Variants in EYS observed in about 807,000 individuals in gnomAD.
EYS encodes protein eyes shut homolog.
EYS carries 250 observed loss-of-function variants against 282.1 expected under a neutral mutation model. The observed-to-expected ratio is 0.89, with a 90% CI of 0.80 to 0.98. EYS has a LOEUF of 0.98. EYS is among the 50% of genes least tolerant of loss of function. The pLI is 0.00. For missense variants in EYS, 4,016 were observed against 3,709.0 expected (o/e 1.08, Z -2.15); for synonymous variants, 1,355 against 1,282.9 (o/e 1.06, Z -1.20).
chr6:65,557,718 T>C (rs181424735), intron 2 of EYS, among the ~76,000 whole-genome samples: 7 of 152,236 alleles, frequency 4.6e-5, no homozygotes, highest in African/African-American at 4.8e-5. Flanking sequence ...GGGTCCTGAG[T>C]TCTTTTCCTG....
chr6:63,727,727 A>ATATATAT (rs1253035778), intron 41 of EYS, among the ~76,000 whole-genome samples: 9 of 61,678 alleles, frequency 1.5e-4, no homozygotes, highest in African/African-American at 7.6e-4. Context: ...AAAAAAAAAA[A>ATATATAT]AAAAAAAAAA....
intron 12 of EYS, among the ~76,000 whole-genome samples, chr6:65,163,490 C>T (rs919428581): frequency 6.6e-6 from 1 of 151,036 alleles, no homozygotes; most frequent in Non-Finnish European, 1.5e-5. Flanking sequence ...GTCTTTGTCA[C>T]TCTTAAAGAA....
At chr6:65,422,251 AAAAT>A (rs1184903200) in intron 5 of EYS, among the ~76,000 whole-genome samples, 1 of 151,938 alleles carries the variant, frequency 6.6e-6, no homozygotes, top group Non-Finnish European at 1.5e-5. Flanking sequence ...TAGAGCATGG[AAAAT>A]AAATAAAGCT....
chr6:64,382,256 C>G (rs1328570154), intron 29 of EYS, among the ~76,000 whole-genome samples: 1 of 152,118 alleles, frequency 6.6e-6, no homozygotes, highest in Admixed American at 6.6e-5. Flanking sequence ...ATTCTCTTCA[C>G]TCTCTCCTGA....
intron 9 of EYS, among the ~76,000 whole-genome samples, chr6:65,350,912 A>G (rs1582172873): frequency 6.6e-6 from 1 of 151,820 alleles, no homozygotes; most frequent in South Asian, 2.1e-4. Context: ...AATTAAAATA[A>G]TCTTCCTGCT....
chr6:64,834,536 C>T (rs781634143), intron 19 of EYS, among the ~76,000 whole-genome samples: 2 of 151,708 alleles, frequency 1.3e-5, no homozygotes, highest in African/African-American at 2.4e-5. Flanking sequence ...ATCCAGTGAC[C>T]TAGTTAATTT....
intron 29 of EYS, among the ~76,000 whole-genome samples, chr6:64,369,957 G>A (rs1444293192): frequency 2.6e-5 from 4 of 151,646 alleles, no homozygotes; most frequent in African/African-American, 9.7e-5. Context: ...TCTTGGTATA[G>A]AATCATATTG....
At chr6:65,525,989 G>C (rs1266846065) in intron 2 of EYS, among the ~76,000 whole-genome samples, 1 of 152,162 alleles carries the variant, frequency 6.6e-6, no homozygotes, top group Non-Finnish European at 1.5e-5. Context: ...CTGAGACTGG[G>C]TGATTTATAA....
chr6:65,141,356 C>T lies in EYS; in HGVS notation c.2024-83629G>A, dbSNP rs568046104. Reference sequence around the variant, plus strand: ...GGGGACTGTTGTGGGGTGGCGGGAGCGGGGAGGGATAGCATTAGGAGATAT... The same window carrying T: ...GGGGACTGTTGTGGGGTGGCGGGAGTGGGGAGGGATAGCATTAGGAGATAT... On this transcript the variant is annotated intron_variant, in intron 12 of 42. Transcript: ENST00000503581. 7.3e-4 allele frequency among the ~76,000 whole-genome samples: 110 copies of T among 151,614 alleles called. 1 individual carries two copies. The highest frequency in any genetic ancestry group is 2.3e-3 in the African/African-American group (97 of 41,360).
At chr6:64,356,323 G>C (rs988720655) in intron 29 of EYS, among the ~76,000 whole-genome samples, 1 of 151,522 alleles carries the variant, frequency 6.6e-6, no homozygotes, top group Non-Finnish European at 1.5e-5. Flanking sequence ...TCAATACACA[G>C]TATTGGGAAA....
chr6:65,504,468 G>T (rs568286177), intron 2 of EYS, among the ~76,000 whole-genome samples: 1 of 151,620 alleles, frequency 6.6e-6, no homozygotes, highest in Non-Finnish European at 1.5e-5. Flanking sequence ...GGACATTCTT[G>T]CCTTGTTCCA....
chr6:63,996,909 G>C (rs896233347), intron 34 of EYS, among the ~76,000 whole-genome samples: 1 of 152,032 alleles, frequency 6.6e-6, no homozygotes, highest in Non-Finnish European at 1.5e-5. Context: ...AATTAATACA[G>C]GTGTTTTTTC....
In EYS at chr6:65,344,098, A is replaced by G. The variant is rs778180391; in HGVS notation, c.1539T>C (p.Tyr513=). Residue 513 remains tyrosine, a synonymous_variant, in exon 10 of 43, where the codon TAT becomes TAC. Coordinates refer to ENST00000503581, the MANE Select transcript of EYS (RefSeq NM_001142800.2). ...AATTATTATCTTCAGGATCGTTCAC[A>G]TAGGTTGCATCTTCAGTGCAGTTTG... ...LAANCTEDAT[Y]VNDPEDNNSS... is the part of the protein sequence containing the mutation. The G allele has an allele frequency of 4.3e-6, 7 of 1,610,830 alleles. No homozygotes were observed. Among genetic ancestry groups the G allele is most frequent in the Non-Finnish European group, 5.9e-6 (7 of 1,178,008 alleles).
intron 41 of EYS, 96 bp from the exon 42 acceptor site, chr6:63,726,776 T>G: frequency 8.5e-7 from 1 of 1,175,146 alleles, no homozygotes; most frequent in Admixed American, 2.6e-5. Flanking sequence ...ATTTTGTAAT[T>G]TCAGGATTTA....
chr6:63,750,464 C>G (rs1301144211), intron 41 of EYS, among the ~76,000 whole-genome samples: 1 of 152,190 alleles, frequency 6.6e-6, no homozygotes. Flanking sequence ...TCTTACTCTC[C>G]TTGGAATCTG....
At chr6:65,212,283 G>A (rs1582022758) in intron 12 of EYS, among the ~76,000 whole-genome samples, 1 of 151,942 alleles carries the variant, frequency 6.6e-6, no homozygotes, top group African/African-American at 2.4e-5. Context: ...GAATATGGTG[G>A]TCTAACATAA....
intron 2 of EYS, among the ~76,000 whole-genome samples, chr6:65,520,722 A>G (rs909652197): frequency 2.0e-5 from 3 of 151,974 alleles, no homozygotes; most frequent in Non-Finnish European, 4.4e-5. Flanking sequence ...TTGACTGATA[A>G]TTGTGAGTTA....
intron 26 of EYS, among the ~76,000 whole-genome samples, chr6:64,482,685 T>A (rs1224314160): frequency 6.6e-6 from 1 of 151,716 alleles, no homozygotes; most frequent in African/African-American, 2.4e-5. Context: ...TGTCTTATTA[T>A]TGATATGACA....
chr6:64,641,443 C>T (rs1562107247), intron 22 of EYS, among the ~76,000 whole-genome samples: 2 of 152,068 alleles, frequency 1.3e-5, no homozygotes, highest in Admixed American at 6.6e-5. Flanking sequence ...TAATAGTTTG[C>T]CAACTTTACA....
Sources: gnomAD v4.1 joint callset for allele counts (sites outside exome capture counted in the v4.1 genomes callset) on GRCh38, gnomAD v4.1.1 for gene constraint, MANE v1.5 for transcripts, NCBI Gene and HGNC (gene_info 2026-07-23, HGNC 2026-07-21) for gene names.